NELL1: variants seen among roughly 807,000 people sequenced by gnomAD.
The protein encoded by NELL1 is neural EGFL like 1, also known as protein kinase C-binding protein NELL1.
In NELL1, 76 loss-of-function variants were observed where a neutral mutation model predicts 107.4. That is an observed-to-expected ratio of 0.71 (90% CI 0.59 to 0.86). NELL1 has a LOEUF of 0.86. NELL1 is among the 40% of genes least tolerant of loss of function. The pLI is 0.00. For missense variants in NELL1, 1,024 were observed against 1,005.5 expected, an observed-to-expected ratio of 1.02 and a Z score of -0.25; for synonymous variants, 353 against 341.2, an observed-to-expected ratio of 1.03 and a Z score of -0.38.
chr11:21,281,883 A>C (rs970302787), intron 14 of NELL1, among the ~76,000 whole-genome samples: 2 of 152,244 alleles, frequency 1.3e-5, no homozygotes, highest in African/African-American at 4.8e-5. Context: ...ACCTCAAACT[A>C]TGAAACTACT....
chr11:20,774,779 A>G (rs931483352), intron 2 of NELL1, among the ~76,000 whole-genome samples: 2 of 152,184 alleles, frequency 1.3e-5, no homozygotes, highest in Non-Finnish European at 2.9e-5. Flanking sequence ...TTATAAGAAC[A>G]TCGAGAGCAT....
At chr11:20,907,807 A>G (rs1212093799) in intron 5 of NELL1, among the ~76,000 whole-genome samples, 3 of 152,170 alleles carry the variant, frequency 2.0e-5, no homozygotes, top group Non-Finnish European at 4.4e-5. Context: ...TTTGCAGTCT[A>G]CTTACTGACA....
Position 20,703,568 on chromosome 11 carries a change from C to T in NELL1, c.184+25508C>T, listed in dbSNP as rs1291847106. Among the ~76,000 whole-genome samples the T allele has an allele frequency of 1.3e-5, 2 of 152,132 alleles. 1 individual carries two copies. The highest frequency in any genetic ancestry group is 4.8e-5 in the African/African-American group (2 of 41,422). ...TAGCTGTTGAATGTGTTTGCTCTTG[C>T]TTCTCTAGTTCTTTTAACTGTGATG... On this transcript the variant is annotated intron_variant, in intron 2 of 19. Transcript: ENST00000357134.
At chr11:20,934,077 C>T (rs1850673536) in intron 9 of NELL1, among the ~76,000 whole-genome samples, 1 of 152,124 alleles carries the variant, frequency 6.6e-6, no homozygotes, top group African/African-American at 2.4e-5. Flanking sequence ...CAGAGCCTGA[C>T]TCACCTTATG....
At chr11:20,785,521 G>T (rs1205478349) in intron 3 of NELL1, among the ~76,000 whole-genome samples, 1 of 152,226 alleles carries the variant, frequency 6.6e-6, no homozygotes, top group South Asian at 2.1e-4. Flanking sequence ...TGGTATGAGG[G>T]TTATACAAAT....
Position 21,573,367 on chromosome 11 carries a change from G to A in NELL1, c.2340G>A (p.Val780=). Residue 780 remains valine, a synonymous_variant, in exon 19 of 20, where the codon GTG becomes GTA. Transcript: ENST00000357134. ...SYGVSRLSGS[V]WTMAGSPCTT... is the part of the protein sequence containing the mutation. ...GTGTTTCACGGCTTAGTGGCTCAGT[G>A]TGGACGATGGCTGGATCTCCCTGCA... 1 of 1,612,358 alleles carries A rather than the reference G, an allele frequency of 6.2e-7. No individual in the cohort carries two copies. The highest frequency in any genetic ancestry group is 1.7e-5 in the Admixed American group (1 of 59,900).
intron 13 of NELL1, among the ~76,000 whole-genome samples, chr11:21,206,782 A>G (rs921900307): frequency 6.6e-6 from 1 of 152,202 alleles, no homozygotes; most frequent in Non-Finnish European, 1.5e-5. Flanking sequence ...CAACATGTTC[A>G]TACTGAGACT....
intron 12 of NELL1, among the ~76,000 whole-genome samples, chr11:21,077,366 T>A (rs1854161289): frequency 2.6e-5 from 4 of 152,000 alleles, no homozygotes; most frequent in Admixed American, 2.6e-4. Context: ...AAAAAGCCAA[T>A]AAGCCATAAA....
At chr11:21,165,282 A>G (rs968493493) in intron 13 of NELL1, among the ~76,000 whole-genome samples, 6 of 152,168 alleles carry the variant, frequency 3.9e-5, no homozygotes, top group African/African-American at 1.4e-4. Flanking sequence ...GATTAATAGT[A>G]GAAACGTCTA....
intron 12 of NELL1, among the ~76,000 whole-genome samples, chr11:20,979,877 G>C (rs1342418645): frequency 1.3e-5 from 2 of 152,074 alleles, no homozygotes; most frequent in African/African-American, 4.8e-5. Flanking sequence ...GGTTTTGGAG[G>C]TTATTTCTGT....
At chr11:21,140,753 C>T (rs1260031845) in intron 13 of NELL1, among the ~76,000 whole-genome samples, 1 of 152,090 alleles carries the variant, frequency 6.6e-6, no homozygotes, top group Non-Finnish European at 1.5e-5. Context: ...GAAAACCTTT[C>T]TTCAATTGGA....
chr11:21,205,622 C>G, intron 13 of NELL1, among the ~76,000 whole-genome samples: 1 of 152,146 alleles, frequency 6.6e-6, no homozygotes, highest in Non-Finnish European at 1.5e-5. Flanking sequence ...GTGGAGTCAA[C>G]AGTTCTGTCT....
chr11:21,451,615 A>G (rs1273663097), intron 15 of NELL1, among the ~76,000 whole-genome samples: 2 of 152,208 alleles, frequency 1.3e-5, no homozygotes, highest in African/African-American at 2.4e-5. Context: ...AGAATCAGGA[A>G]TTTACATTTT....
chr11:21,292,110 C>T (rs577814640), intron 14 of NELL1, among the ~76,000 whole-genome samples: 1 of 152,248 alleles, frequency 6.6e-6, no homozygotes, highest in East Asian at 1.9e-4. Flanking sequence ...AAAGTGTATT[C>T]AAATAGAAAG....
intron 2 of NELL1, among the ~76,000 whole-genome samples, chr11:20,701,531 C>T (rs6416029): frequency 0.72 from 108,330 of 150,504 alleles, 39,174 homozygotes; most frequent in Middle Eastern, 0.8. Context: ...CATTTGTCAA[C>T]TTTGGCTTTT....
intron 2 of NELL1, among the ~76,000 whole-genome samples, chr11:20,716,053 T>C (rs1401790): frequency 0.28 from 42,653 of 152,202 alleles, 6,759 homozygotes; most frequent in East Asian, 0.48. Context: ...GATATGCAAA[T>C]ATTTTACTTA....
chr11:21,232,094 G>T (rs1007269875), intron 14 of NELL1, among the ~76,000 whole-genome samples: 1 of 147,756 alleles, frequency 6.8e-6, no homozygotes, highest in Non-Finnish European at 1.5e-5. Flanking sequence ...AGGGTCAGGA[G>T]TTCTAGACCA....
At chr11:20,858,625 C>T (rs1376387012) in intron 4 of NELL1, among the ~76,000 whole-genome samples, 1 of 152,182 alleles carries the variant, frequency 6.6e-6, no homozygotes, top group Non-Finnish European at 1.5e-5. Flanking sequence ...CTGTTGTTGC[C>T]TGCTCCAACA....
At chr11:20,956,333 T>G (rs186384179) in intron 11 of NELL1, among the ~76,000 whole-genome samples, 89 of 152,002 alleles carry the variant, frequency 5.9e-4, no homozygotes, top group Non-Finnish European at 8.5e-4. Context: ...CCTAGGGCCC[T>G]GAGGAACACA....
Sources: allele counts gnomAD v4.1 joint callset (sites outside exome capture counted in the v4.1 genomes callset), GRCh38; gene constraint gnomAD v4.1.1; transcripts MANE v1.5; gene names NCBI Gene and HGNC (gene_info 2026-07-23, HGNC 2026-07-21).